ZNF441: variants seen among roughly 807,000 people sequenced by gnomAD.
The protein encoded by ZNF441 is zinc finger protein 441.
Under a neutral mutation model 64.5 loss-of-function variants are expected in ZNF441, and 25 were observed. That is an observed-to-expected ratio of 0.39 (90% CI 0.28 to 0.54). The LOEUF (loss-of-function observed/expected upper bound fraction) is 0.54. Among genes scored for constraint, ZNF441 ranks in the 20% least tolerant of loss-of-function variants. The pLI, the probability that ZNF441 is intolerant of heterozygous loss-of-function variation, is 0.70. For synonymous variants in ZNF441, 262 were observed against 268.0 expected, an observed-to-expected ratio of 0.98 and a Z score of 0.22; for missense variants, 715 against 843.3, an observed-to-expected ratio of 0.85 and a Z score of 1.88.
Position 11,781,043 on chromosome 19 carries a change from C to G in ZNF441, c.1219C>G (p.Arg407Gly), listed in dbSNP as rs148719452. The G allele has an allele frequency of 6.2e-7, 1 of 1,613,874 alleles. No homozygotes were observed. Among genetic ancestry groups the G allele is most frequent in the Non-Finnish European group, 8.5e-7 (1 of 1,179,990 alleles). Residue 407 changes from arginine (R) to glycine (G), a missense_variant, in exon 4 of 4, where the codon CGA becomes GGA. Arg to Gly is a moderately radical substitution (Grantham distance 125). Transcript: ENST00000357901. ...GKAFSDFYYFRNHETTHTGEK... is the reference protein window; with the variant it reads ...GKAFSDFYYFGNHETTHTGEK... Reference sequence around the variant, plus strand: ...AGCCTTTAGTGATTTCTATTACTTTCGAAATCATGAAACTACTCACACTGG... The same window carrying G: ...AGCCTTTAGTGATTTCTATTACTTTGGAAATCATGAAACTACTCACACTGG...
chr19:11,781,277 T>C lies in ZNF441; in HGVS notation c.1453T>C (p.Ser485Pro), dbSNP rs1054013253. 2.5e-6 allele frequency: 4 copies of C among 1,613,048 alleles called. No individual in the cohort carries two copies. Among genetic ancestry groups the C allele is most frequent in the Admixed American group, 1.7e-5 (1 of 59,900 alleles). ...ATGTAAGCAGTGTGGAAAAGCACTT[T>C]CTCATCTGAAAAGCTTTCAGAGACA... is the stretch of plus-strand genomic sequence containing the variant. ...YECKQCGKAL[S>P]HLKSFQRHMI... The change falls in exon 4 of 4, where the codon TCT becomes CCT. Residue 485 changes from serine (S) to proline (P), a missense_variant. Coordinates refer to ENST00000357901, the MANE Select transcript of ZNF441 (RefSeq NM_152355.3).
Position 11,781,539 on chromosome 19 carries a change from C to T in ZNF441, c.1715C>T (p.Ser572Leu). Residue 572 changes from serine to leucine, a missense_variant, in exon 4 of 4, where the codon TCA becomes TTA. Coordinates refer to ENST00000357901, the MANE Select transcript of ZNF441 (RefSeq NM_152355.3). The part of the protein sequence containing the change: ...QQCGKALSDL[S>L]SFRRHMITHT... ...TGTGGGAAAGCATTATCTGATCTCTCAAGCTTTCGAAGACACATGATAACA... is the reference window on the plus strand; with the variant it reads ...TGTGGGAAAGCATTATCTGATCTCTTAAGCTTTCGAAGACACATGATAACA... 1.2e-6 allele frequency: 2 copies of T among 1,613,154 alleles called. No individual in the cohort carries two copies. The highest frequency in any genetic ancestry group is 2.2e-5 in the East Asian group (1 of 44,830).
chr19:11,780,279 A>G lies in ZNF441; in HGVS notation c.455A>G (p.Tyr152Cys), dbSNP rs1195023836. The G allele has an allele frequency of 1.2e-6, 2 of 1,614,198 alleles. No individual in the cohort carries two copies. The highest frequency in any genetic ancestry group is 1.1e-5 in the South Asian group (1 of 91,082). The part of the protein sequence containing the change: ...THTQCGTAFS[Y>C]QPCFQIHERP... The stretch of plus-strand genomic sequence containing the variant: ...ACACAATGTGGGACAGCTTTCAGTT[A>G]TCAGCCCTGCTTTCAAATACATGAA... The change falls in exon 4 of 4, where the codon TAT becomes TGT. Residue 152 changes from tyrosine (Y) to cysteine (C), a missense_variant. Physicochemically the swap from Tyr to Cys is radical, Grantham distance 194. Coordinates refer to ENST00000357901, the MANE Select transcript of ZNF441 (RefSeq NM_152355.3).
Position 11,780,338 on chromosome 19 carries a change from A to G in ZNF441, c.514A>G (p.Lys172Glu). ...PQHGKKLYDC[K>E]ECASFSSLEN... ...GCATGGAAAGAAACTCTATGATTGT[A>G]AGGAATGTGCAAGCTTCAGTTCTCT... The change falls in exon 4 of 4, where the codon AAG (lysine) becomes GAG (glutamate). Residue 172 changes from lysine to glutamate, a missense_variant. Transcript: ENST00000357901. 1.2e-6 allele frequency: 2 copies of G among 1,614,186 alleles called. No individual in the cohort carries two copies. Among genetic ancestry groups the G allele is most frequent in the Non-Finnish European group, 8.5e-7 (1 of 1,180,044 alleles).
chr19:11,776,962 C>T (rs563905996), intron 1 of ZNF441, among the ~76,000 whole-genome samples: 5 of 152,124 alleles, frequency 3.3e-5, no homozygotes, highest in Admixed American at 6.5e-5. Context: ...GCATGAACCA[C>T]CATACCGGGC....
chr19:11,769,877 T>C (rs1056014177), intron 1 of ZNF441, among the ~76,000 whole-genome samples: 1 of 152,094 alleles, frequency 6.6e-6, no homozygotes, highest in Non-Finnish European at 1.5e-5. Context: ...TGTTTCACCA[T>C]GTTAGCCAAG....
In ZNF441 at chr19:11,780,515, A is replaced by G; in HGVS notation, c.691A>G (p.Thr231Ala). 1 of 1,614,188 alleles carries G rather than the reference A, an allele frequency of 6.2e-7. No individual in the cohort carries two copies. The highest frequency in any genetic ancestry group is 8.5e-7 in the Non-Finnish European group (1 of 1,180,034). ...EKPYEYEQCS[T>A]AFPAYSSTLR... is the part of the protein sequence containing the mutation. ...ACCATATGAATATGAGCAGTGTTCTACAGCGTTTCCTGCTTATAGTTCCAC... is the reference window on the plus strand; with the variant it reads ...ACCATATGAATATGAGCAGTGTTCTGCAGCGTTTCCTGCTTATAGTTCCAC... The change falls in exon 4 of 4, where the codon ACA becomes GCA. Residue 231 changes from threonine to alanine, a missense_variant. Transcript: ENST00000357901.
rs749149104 is a variant in ZNF441, at chr19:11,781,318, T to C, written c.1494T>C (p.Thr498=). The C allele has an allele frequency of 2.5e-6, 4 of 1,613,878 alleles. No homozygotes were observed. The highest frequency in any genetic ancestry group is 2.7e-5 in the African/African-American group (2 of 74,852). ...TTCAGAGACACATGATAATGCACAC[T>C]GGAGATGGACCTCATAAATGTAAGA... ...KSFQRHMIMH[T]GDGPHKCKIC... The change falls in exon 4 of 4, where the codon ACT becomes ACC. Residue 498 remains threonine (T), a synonymous_variant. Transcript: ENST00000357901.
At chr19:11,777,156 C>T (rs192048670) in intron 1 of ZNF441, among the ~76,000 whole-genome samples, 27 of 152,162 alleles carry the variant, frequency 1.8e-4, no homozygotes, top group African/African-American at 6.5e-4. Context: ...TTGCTTATAA[C>T]AGAATACTTT....
chr19:11,775,522 G>A (rs1288539635), intron 1 of ZNF441, among the ~76,000 whole-genome samples: 1 of 151,874 alleles, frequency 6.6e-6, no homozygotes, highest in African/African-American at 2.4e-5. Flanking sequence ...GTAGAGACGG[G>A]GTTTCACCGT....
Position 11,780,080 on chromosome 19 carries a change from A to G in ZNF441, c.256A>G (p.Thr86Ala), listed in dbSNP as rs1243719460. Residue 86 changes from threonine to alanine, a missense_variant, in exon 4 of 4, where the codon ACC becomes GCC. Physicochemically the swap from Thr to Ala is moderately conservative, Grantham distance 58. Coordinates refer to ENST00000357901, the MANE Select transcript of ZNF441 (RefSeq NM_152355.3). ...KDNSQCGGPFTQTQDSIVNEK... is the reference protein window; with the variant it reads ...KDNSQCGGPFAQTQDSIVNEK... ...TAATAGTCAATGTGGAGGACCCTTT[A>G]CCCAGACTCAAGACAGTATTGTGAA... 2.5e-6 allele frequency: 4 copies of G among 1,614,060 alleles called. No individual in the cohort carries two copies. Among genetic ancestry groups the G allele is most frequent in the Non-Finnish European group, 3.4e-6 (4 of 1,180,030 alleles).
In ZNF441 at chr19:11,782,079, A is replaced by G. The variant is rs1975409552; in HGVS notation, c.*173A>G. The G allele has an allele frequency of 4.0e-6, 2 of 500,126 alleles. No individual in the cohort carries two copies. The highest frequency in any genetic ancestry group is 4.7e-5 in the South Asian group (1 of 21,344). 31.0% of individuals were successfully genotyped at this position (500,126 alleles called of 1,614,324 possible). A position where few individuals can be genotyped will look rare whatever the true frequency, so the allele number is the denominator to read the frequency against. On this transcript the variant is annotated 3_prime_UTR_variant, in exon 4 of 4. Coordinates refer to ENST00000357901, the MANE Select transcript of ZNF441 (RefSeq NM_152355.3). ...ATGACCAAACTCATACTTCAAAAAT[A>G]TATATATAATGAATGTGAGGAATAT...
At chr19:11,777,839 C>T in intron 2 of ZNF441, 102 bp downstream of exon 2, 2 of 1,397,992 alleles carry the variant, frequency 1.4e-6, no homozygotes, top group Non-Finnish European at 1.9e-6. Flanking sequence ...ATATAATTGG[C>T]CCTTGAACCA....
In ZNF441 at chr19:11,767,327, C is replaced by T; in HGVS notation, c.3+131C>T. ...GGCGCAGCTCGGCCCTCGGTTCCCT[C>T]GGCCGCACGATGGGGCTGGGGCGGC... On this transcript the variant is annotated intron_variant, in intron 1 of 3. Coordinates refer to ENST00000357901, the MANE Select transcript of ZNF441 (RefSeq NM_152355.3). The surrounding 1 kb of genome is among the most constrained non-coding windows in gnomAD (Gnocchi z 5.1). 7.0e-7 allele frequency: 1 copy of T among 1,418,980 alleles called. No homozygotes were observed. Among genetic ancestry groups the T allele is most frequent in the Non-Finnish European group, 9.6e-7 (1 of 1,037,264 alleles). The allele number at this position is 1,418,980 out of a possible 1,614,324, so 87.9% of individuals were successfully genotyped here.
intron 2 of ZNF441, 168 bp downstream of exon 2, chr19:11,777,905 T>A: frequency 1.6e-6 from 1 of 611,316 alleles, no homozygotes; most frequent in South Asian, 2.4e-5. Flanking sequence ...AGTAGCCTAC[T>A]GTTTACTGGC....
At position 11,770,304 on chromosome 19, in the gene ZNF441, GA is replaced by G. The variant is rs1474851702; in HGVS notation, c.3+3111del. 6.6e-5 allele frequency among the ~76,000 whole-genome samples: 10 copies of G among 152,190 alleles called. No individual in the cohort carries two copies. In the East Asian group the frequency reaches 1.9e-3, roughly 29 times the overall value. On this transcript the variant is annotated intron_variant, in intron 1 of 3. Coordinates refer to ENST00000357901, the MANE Select transcript of ZNF441 (RefSeq NM_152355.3). ...CCACTATCACAAGAACAGCGTGGGG[GA>G]AACCGCCCCCATGATCCAGTCACCT... is the stretch of plus-strand genomic sequence containing the variant.
chr19:11,770,220 G>T (rs1354155192), intron 1 of ZNF441, among the ~76,000 whole-genome samples: 1 of 152,088 alleles, frequency 6.6e-6, no homozygotes, highest in East Asian at 1.9e-4. Context: ...TGGCAGGCAA[G>T]ACAGCATGTG....
chr19:11,778,341 CA>C lies in ZNF441; in HGVS notation c.146del (p.Asn49IlefsTer4), dbSNP rs1255385002. On this transcript the variant is annotated frameshift_variant, in exon 3 of 4. Coordinates refer to ENST00000357901, the MANE Select transcript of ZNF441 (RefSeq NM_152355.3). LOFTEE classifies it high-confidence loss of function. ...GTTCTAACTTTTAGGAATGATATGG[CA>C]AAATCATGATATAGAAGAAGATCAG... ...RNLDCIGMIW[Q>X]NHDIEEDQYK... is the part of the protein sequence containing the mutation. 6 of 1,543,052 alleles carry C rather than the reference CA, an allele frequency of 3.9e-6. No individual in the cohort carries two copies. Among genetic ancestry groups the C allele is most frequent in the Non-Finnish European group, 5.2e-6 (6 of 1,143,558 alleles).
At position 11,781,683 on chromosome 19, in the gene ZNF441, G is replaced by A; in HGVS notation, c.1859G>A (p.Cys620Tyr). The A allele has an allele frequency of 6.2e-7, 1 of 1,614,160 alleles. No individual in the cohort carries two copies. Among genetic ancestry groups the A allele is most frequent in the Non-Finnish European group, 8.5e-7 (1 of 1,180,004 alleles). Reference protein sequence around the residue: ...TGEKPYECKECGKAFSHSSYL... With the variant: ...TGEKPYECKEYGKAFSHSSYL... ...GAGAAACCCTATGAATGCAAGGAAT[G>A]TGGTAAAGCCTTCAGTCATTCAAGT... The change falls in exon 4 of 4, where the codon TGT becomes TAT. Residue 620 changes from cysteine (C) to tyrosine (Y), a missense_variant. Transcript: ENST00000357901.
Sources: allele counts gnomAD v4.1 joint callset (sites outside exome capture counted in the v4.1 genomes callset), GRCh38; gene constraint gnomAD v4.1.1; non-coding constraint Gnocchi (gnomAD v3.1); transcripts MANE v1.5; gene names NCBI Gene and HGNC (gene_info 2026-07-23, HGNC 2026-07-21).